LRBA: variants seen among roughly 807,000 people sequenced by gnomAD.
LRBA encodes LPS responsive beige-like anchor protein.
A neutral mutation model predicts 330.0 loss-of-function variants in LRBA; 176 were observed. That is an observed-to-expected ratio of 0.53 (90% CI 0.47 to 0.60). The LOEUF (loss-of-function observed/expected upper bound fraction) is 0.60. Among genes scored for constraint, LRBA ranks in the 20% least tolerant of loss-of-function variants. The pLI, the probability that LRBA is intolerant of heterozygous loss-of-function variation, is 0.00. For synonymous variants in LRBA, 1,230 were observed against 1,193.0 expected, an observed-to-expected ratio of 1.03 and a Z score of -0.64; for missense variants, 3,259 against 3,444.8, an observed-to-expected ratio of 0.95 and a Z score of 1.35.
intron 37 of LRBA, among the ~76,000 whole-genome samples, chr4:150,675,597 AGT>A (rs1782458420): frequency 6.6e-6 from 1 of 152,086 alleles, no homozygotes; most frequent in Non-Finnish European, 1.5e-5. Context: ...ACGTGCCTGT[AGT>A]CCCAGCTACT....
chr4:150,516,921 C>T (rs113558814), intron 40 of LRBA, among the ~76,000 whole-genome samples: 1 of 152,124 alleles, frequency 6.6e-6, no homozygotes, highest in African/African-American at 2.4e-5. Context: ...GTTATTCCCA[C>T]ATTTTTCATA....
rs1206345484 is a variant in LRBA at position 150,828,389 on chromosome 4, G to T, written c.4962C>A (p.Thr1654=). The stretch of plus-strand genomic sequence containing the variant: ...CCAAGTCATTTCCTCTATCATTTTT[G>T]GTTTCCGGAGACTTATTGACTTCTA... The part of the protein sequence containing the change: ...LSLEVNKSPE[T]KNDRGNDLDT... The change falls in exon 30 of 57, where the codon ACC becomes ACA. Residue 1654 remains threonine, a synonymous_variant. Coordinates refer to ENST00000651943, the MANE Select transcript of LRBA (RefSeq NM_001364905.1). The T allele has an allele frequency of 6.2e-7, 1 of 1,614,008 alleles. No individual in the cohort carries two copies. Among genetic ancestry groups the T allele is most frequent in the South Asian group, 1.1e-5 (1 of 91,068 alleles).
At chr4:150,444,389 T>C (rs1409060350) in intron 44 of LRBA, among the ~76,000 whole-genome samples, 9 of 152,088 alleles carry the variant, frequency 5.9e-5, no homozygotes, top group Admixed American at 2.6e-4. Flanking sequence ...AATAAATAAA[T>C]AGTGTCTGTC....
chr4:150,749,329 G>A (rs1289018431), intron 35 of LRBA, among the ~76,000 whole-genome samples: 1 of 152,130 alleles, frequency 6.6e-6, no homozygotes, highest in East Asian at 1.9e-4. Context: ...CAACACTTTG[G>A]GAGGCTAAAG....
chr4:150,992,553 G>A (rs779992964), intron 2 of LRBA, among the ~76,000 whole-genome samples: 6 of 152,188 alleles, frequency 3.9e-5, no homozygotes, highest in Non-Finnish European at 8.8e-5. Context: ...TGGAGGTATA[G>A]AATGACTGGC....
chr4:150,336,566 G>A (rs1230998363), intron 48 of LRBA, among the ~76,000 whole-genome samples: 1 of 152,074 alleles, frequency 6.6e-6, no homozygotes, highest in African/African-American at 2.4e-5. Context: ...AAAGAAAAGG[G>A]GGAGAAGGAA....
At chr4:150,414,986 T>C (rs1429137062) in intron 47 of LRBA, among the ~76,000 whole-genome samples, 1 of 152,256 alleles carries the variant, frequency 6.6e-6, no homozygotes, top group Non-Finnish European at 1.5e-5. Context: ...CTTTTAAGTT[T>C]TAACATTTTC....
intron 37 of LRBA, among the ~76,000 whole-genome samples, chr4:150,604,706 T>G (rs1774456403): frequency 6.6e-6 from 1 of 152,134 alleles, no homozygotes; most frequent in Admixed American, 6.5e-5. Context: ...ATCAAAATTT[T>G]TGTAAATAAC....
At chr4:150,669,455 C>A (rs777231924) in intron 37 of LRBA, among the ~76,000 whole-genome samples, 14 of 152,158 alleles carry the variant, frequency 9.2e-5, no homozygotes, top group Admixed American at 5.2e-4. Flanking sequence ...TCTTCTTAGT[C>A]TCTTCAAATC....
intron 37 of LRBA, among the ~76,000 whole-genome samples, chr4:150,639,819 G>GTATATATATATATA (rs56731034): frequency 2.2e-4 from 1 of 4,520 alleles, no homozygotes; most frequent in African/African-American, 8.2e-4. Context: ...GTGTGTGTGT[G>GTATATATATATATA]TATATATATA....
At position 150,828,922 on chromosome 4, in the gene LRBA, G is replaced by GT. The variant is rs1560878315; in HGVS notation, c.4730-302_4730-301insA. ...GAAAAAGTCTATAATCTTTTTTGGG[G>GT]GTGTGTGTGTGTGTGTGTGTGTGTG... is the stretch of plus-strand genomic sequence containing the variant. On this transcript the variant is annotated intron_variant, in intron 29 of 56. Transcript: ENST00000651943. Among the ~76,000 whole-genome samples the GT allele has an allele frequency of 0.19, 20,113 of 106,004 alleles. 1,772 individuals are homozygous for GT. Among genetic ancestry groups the GT allele is most frequent in the South Asian group, 0.25 (886 of 3,512 alleles). The allele number at this position is 106,004 out of a possible 152,430, so 69.5% of individuals were successfully genotyped here.
chr4:150,646,252 G>T (rs1779126561), intron 37 of LRBA, among the ~76,000 whole-genome samples: 2 of 151,972 alleles, frequency 1.3e-5, no homozygotes, highest in Non-Finnish European at 2.9e-5. Flanking sequence ...AGACAAAGAT[G>T]ACTTCAGGGT....
At chr4:150,930,921 T>C (rs1250983996) in intron 2 of LRBA, among the ~76,000 whole-genome samples, 1 of 152,244 alleles carries the variant, frequency 6.6e-6, no homozygotes, top group East Asian at 1.9e-4. Context: ...CTAAAAAGTA[T>C]ACGTGCTTGG....
At chr4:150,685,611 T>G (rs940456054) in intron 36 of LRBA, among the ~76,000 whole-genome samples, 5 of 149,574 alleles carry the variant, frequency 3.3e-5, no homozygotes, top group Admixed American at 6.7e-5. Flanking sequence ...TTTTTTTGTA[T>G]TTTAGTAGAG....
chr4:150,489,008 A>T (rs1238899071), intron 41 of LRBA, among the ~76,000 whole-genome samples: 1 of 122,188 alleles, frequency 8.2e-6, no homozygotes, highest in African/African-American at 3.2e-5. Flanking sequence ...AAGAATATAT[A>T]ATATATTATA....
intron 32 of LRBA, among the ~76,000 whole-genome samples, chr4:150,807,893 G>A (rs907545538): frequency 8.6e-5 from 13 of 151,980 alleles, no homozygotes; most frequent in Non-Finnish European, 1.0e-4. Context: ...CAAGTAATCC[G>A]CCTGCCTCAG....
At chr4:150,694,564 T>C (rs909168692) in intron 36 of LRBA, among the ~76,000 whole-genome samples, 2 of 145,334 alleles carry the variant, frequency 1.4e-5, no homozygotes, top group African/African-American at 5.0e-5. Flanking sequence ...AGTCAACCAA[T>C]GACAATGTGT....
chr4:150,785,130 G>A (rs1419378194), intron 34 of LRBA, among the ~76,000 whole-genome samples: 1 of 152,136 alleles, frequency 6.6e-6, no homozygotes, highest in Non-Finnish European at 1.5e-5. Flanking sequence ...TGGTGGGGAG[G>A]AGGCCAGTTA....
intron 37 of LRBA, among the ~76,000 whole-genome samples, chr4:150,636,158 CTTTTTT>C (rs70941419): frequency 8.8e-6 from 1 of 113,024 alleles, no homozygotes; most frequent in Non-Finnish European, 1.9e-5. Context: ...ACCTACCAAG[CTTTTTT>C]TTTTTTTTTT....
Sources: allele counts gnomAD v4.1 joint callset (sites outside exome capture counted in the v4.1 genomes callset), GRCh38; gene constraint gnomAD v4.1.1; transcripts MANE v1.5; gene names NCBI Gene and HGNC (gene_info 2026-07-23, HGNC 2026-07-21).